The following PGS1 variants were observed in gnomAD, a reference collection of about 807,000 sequenced individuals.
PGS1 encodes phosphatidylglycerophosphate synthase 1.
In PGS1, 44 loss-of-function variants were observed where a neutral mutation model predicts 58.3. The ratio of observed to expected loss-of-function variants is 0.75; its 90% confidence interval spans 0.59 to 0.97. The LOEUF (loss-of-function observed/expected upper bound fraction) is 0.97. Ranked by LOEUF, PGS1 falls within the 50% of genes least tolerant of loss-of-function variation. The pLI is 0.00. For missense variants in PGS1, 684 were observed against 731.1 expected, an observed-to-expected ratio of 0.94 and a Z score of 0.74; for synonymous variants, 330 against 311.0, an observed-to-expected ratio of 1.06 and a Z score of -0.64.
chr17:78,418,632 AT>A (rs1469240282), intron 8 of PGS1, among the ~76,000 whole-genome samples: 1 of 152,206 alleles, frequency 6.6e-6, no homozygotes, highest in East Asian at 1.9e-4. Flanking sequence ...TGTTATAAAT[AT>A]TGTGATAAAT....
Position 78,398,238 on chromosome 17 carries a change from T to A in PGS1, c.412-14T>A. ...TTGGGTCTTAATCTTCTTTTCTGTG[T>A]TCTTTCTTGGTAGGTGGACTGCCTG... On this transcript the variant is annotated splice_polypyrimidine_tract_variant and intron_variant, in intron 3 of 9. Coordinates refer to ENST00000262764, the MANE Select transcript of PGS1 (RefSeq NM_024419.5). 1 of 1,581,714 alleles carries A rather than the reference T, an allele frequency of 6.3e-7. No individual in the cohort carries two copies. Among genetic ancestry groups the A allele is most frequent in the Non-Finnish European group, 8.7e-7 (1 of 1,150,464 alleles).
At chr17:78,390,522 C>T (rs2082752836) in intron 1 of PGS1, among the ~76,000 whole-genome samples, 2 of 152,180 alleles carry the variant, frequency 1.3e-5, no homozygotes, top group Non-Finnish European at 1.5e-5. Flanking sequence ...TTTACGAAGC[C>T]TGGGAAGATT....
intron 9 of PGS1, among the ~76,000 whole-genome samples, chr17:78,423,275 C>G (rs8067560): frequency 0.4 from 60,838 of 151,986 alleles, 12,817 homozygotes; most frequent in East Asian, 0.79. Context: ...CCTGCATCAG[C>G]CCAGCCACAG....
chr17:78,423,850 G>A, intron 9 of PGS1: 7 of 1,599,020 alleles, frequency 4.4e-6, no homozygotes, highest in South Asian at 1.1e-5. Flanking sequence ...GTGCACAGGT[G>A]AAGGGCTGAG....
At chr17:78,389,857 C>G (rs898586950) in intron 1 of PGS1, among the ~76,000 whole-genome samples, 2 of 152,198 alleles carry the variant, frequency 1.3e-5, no homozygotes, top group South Asian at 2.1e-4. Flanking sequence ...CTCAAGTTTT[C>G]TTCCCGCCTT....
intron 7 of PGS1, among the ~76,000 whole-genome samples, chr17:78,413,953 C>T (rs535212242): frequency 6.6e-6 from 1 of 152,360 alleles, no homozygotes; most frequent in African/African-American, 2.4e-5. Context: ...TGCTTTTTCT[C>T]CAACTGTGAT....
intron 7 of PGS1, among the ~76,000 whole-genome samples, chr17:78,414,187 C>T (rs2084969593): frequency 6.6e-6 from 1 of 152,218 alleles, no homozygotes; most frequent in African/African-American, 2.4e-5. Flanking sequence ...GGGAGACTCA[C>T]TACATGTTCC....
intron 8 of PGS1, among the ~76,000 whole-genome samples, chr17:78,417,791 T>C (rs1038409243): frequency 2.8e-4 from 43 of 151,452 alleles, no homozygotes; most frequent in Non-Finnish European, 2.9e-5. Flanking sequence ...GAGAGAGGGC[T>C]AGAGTCGCGG....
At chr17:78,423,991 G>T in intron 9 of PGS1, 70 bp from the exon 10 acceptor site, 1 of 1,614,034 alleles carries the variant, frequency 6.2e-7, no homozygotes, top group Non-Finnish European at 8.5e-7. Flanking sequence ...CCAGACATAG[G>T]TGGGGCCGCG....
rs34032688 is a variant in PGS1 at position 78,404,279 on chromosome 17, A to AT, written c.1402+212dup. 3.9e-3 allele frequency among the ~76,000 whole-genome samples: 480 copies of AT among 122,628 alleles called. 5 individuals carry two copies. The East Asian group carries it at 0.052, about 13-fold the overall frequency. 80.4% of individuals were successfully genotyped at this position (122,628 alleles called of 152,430 possible). On this transcript the variant is annotated intron_variant, in intron 7 of 9. Coordinates refer to ENST00000262764, the MANE Select transcript of PGS1 (RefSeq NM_024419.5). Reference sequence around the variant, plus strand: ...GGCGAGCATTCATCTCCTCAAGGGAATTTTTTTTTTTTTTTTTTTTTTGTG... The same window carrying AT: ...GGCGAGCATTCATCTCCTCAAGGGAATTTTTTTTTTTTTTTTTTTTTTTGTG...
chr17:78,402,137 A>T (rs1463886563), intron 6 of PGS1, among the ~76,000 whole-genome samples: 2 of 152,132 alleles, frequency 1.3e-5, no homozygotes, highest in Admixed American at 1.3e-4. Flanking sequence ...GTTGGCATCA[A>T]CAGGCTAGAC....
intron 1 of PGS1, among the ~76,000 whole-genome samples, chr17:78,389,215 G>A (rs1415337588): frequency 6.6e-6 from 1 of 150,814 alleles, no homozygotes; most frequent in Non-Finnish European, 1.5e-5. Flanking sequence ...GAGACGGAGT[G>A]TCGCTCTGTT....
intron 1 of PGS1, 61 bp from the exon 2 acceptor site, chr17:78,392,415 G>T: frequency 8.0e-7 from 1 of 1,242,250 alleles, no homozygotes; most frequent in African/African-American, 1.5e-5. Context: ...ACTGAGGGGG[G>T]CTTCTGCAGA....
intron 7 of PGS1, 98 bp downstream of exon 7, chr17:78,404,187 C>G (rs3826323): frequency 0.61 from 800,489 of 1,320,558 alleles, 243,563 homozygotes; most frequent in Middle Eastern, 0.66. Flanking sequence ...GAGTGCTGTA[C>G]TTCTCCCTTC....
chr17:78,414,126 TC>T (rs1234776613), intron 7 of PGS1, among the ~76,000 whole-genome samples: 1 of 152,248 alleles, frequency 6.6e-6, no homozygotes, highest in Non-Finnish European at 1.5e-5. Flanking sequence ...ACCCCCTTTG[TC>T]CTCACAGGGT....
At chr17:78,387,295 C>T (rs978304646) in intron 1 of PGS1, among the ~76,000 whole-genome samples, 5 of 151,144 alleles carry the variant, frequency 3.3e-5, no homozygotes, top group Non-Finnish European at 7.4e-5. Flanking sequence ...AGAGCCACTG[C>T]GCCCAGCCTT....
chr17:78,416,021 T>C (rs1326641140), intron 8 of PGS1, among the ~76,000 whole-genome samples: 2 of 152,224 alleles, frequency 1.3e-5, no homozygotes, highest in African/African-American at 4.8e-5. Context: ...AGAGCCTTTG[T>C]TGATGGACGA....
chr17:78,380,479 C>G (rs1481470863), intron 1 of PGS1, among the ~76,000 whole-genome samples: 1 of 152,206 alleles, frequency 6.6e-6, no homozygotes, highest in Non-Finnish European at 1.5e-5. Context: ...TGGAAACCTG[C>G]TAGGTTTCAC....
intron 9 of PGS1, chr17:78,423,835 C>CA (rs1401523021): frequency 2.0e-5 from 32 of 1,561,918 alleles, no homozygotes; most frequent in Non-Finnish European, 2.6e-5. Context: ...AAGAATAAGT[C>CA]ACAGGTGCAC....
Sources: gnomAD v4.1 joint callset for allele counts (sites outside exome capture counted in the v4.1 genomes callset) on GRCh38, gnomAD v4.1.1 for gene constraint, MANE v1.5 for transcripts, NCBI Gene and HGNC (gene_info 2026-07-23, HGNC 2026-07-21) for gene names.